Variants in UBN2 observed in about 807,000 individuals in gnomAD.
UBN2 encodes ubinuclein 2.
Under a neutral mutation model 120.2 loss-of-function variants are expected in UBN2, and 35 were observed. The ratio of observed to expected loss-of-function variants is 0.29; its 90% CI spans 0.22 to 0.39. The LOEUF is 0.39. Among genes scored for constraint, UBN2 ranks in the 10% least tolerant of loss-of-function variants. UBN2 has a pLI of 1.00. For missense variants in UBN2, 1,693 were observed against 1,663.2 expected (o/e 1.02, Z -0.31); for synonymous variants, 661 against 648.7 (o/e 1.02, Z -0.29).
rs761828541 is a variant in UBN2, at chr7:139,284,133, T to C, written c.3228T>C (p.Ile1076=). 25 of 1,614,020 alleles carry C rather than the reference T, an allele frequency of 1.5e-5. No individual in the cohort carries two copies. Among genetic ancestry groups the C allele is most frequent in the African/African-American group, 5.3e-5 (4 of 74,898 alleles). ...AGCCTTCAGTATCAACTAAACTTATTTCTAAATCCAACCCAACTCCCAAGC... is the reference window on the plus strand; with the variant it reads ...AGCCTTCAGTATCAACTAAACTTATCTCTAAATCCAACCCAACTCCCAAGC... ...SAKPSVSTKL[I]SKSNPTPKPT... is the part of the protein sequence containing the mutation. Residue 1076 remains isoleucine, a synonymous_variant, in exon 15 of 18, where the codon ATT becomes ATC. Transcript: ENST00000473989.
At chr7:139,234,500 A>G (rs933231040) in intron 1 of UBN2, among the ~76,000 whole-genome samples, 1 of 152,210 alleles carries the variant, frequency 6.6e-6, no homozygotes, top group East Asian at 1.9e-4. Context: ...ACAAAACCAC[A>G]GGTTAGCTAA....
intron 13 of UBN2, among the ~76,000 whole-genome samples, chr7:139,281,708 C>T (rs377467767): frequency 6.6e-6 from 1 of 152,114 alleles, no homozygotes; most frequent in Admixed American, 6.6e-5. Context: ...TTTAAAACAG[C>T]AGTTTTATAC....
chr7:139,232,093 C>G (rs951321508), intron 1 of UBN2, 141 bp downstream of exon 1: 1 of 723,782 alleles, frequency 1.4e-6, no homozygotes, highest in African/African-American at 1.9e-5. Flanking sequence ...CGGGGCCGAG[C>G]GGGTGGACGG....
At chr7:139,251,109 A>G (rs939702739) in intron 2 of UBN2, among the ~76,000 whole-genome samples, 1 of 152,024 alleles carries the variant, frequency 6.6e-6, no homozygotes, top group Non-Finnish European at 1.5e-5. Flanking sequence ...TATCTCAAAA[A>G]ACAAACATGC....
At chr7:139,259,208 A>C (rs1230843393) in intron 4 of UBN2, 59 bp from the exon 5 acceptor site, 13 of 1,583,950 alleles carry the variant, frequency 8.2e-6, no homozygotes, top group Admixed American at 7.5e-5. Context: ...TGGATTGCTA[A>C]CATCAAAGAG....
At chr7:139,257,824 G>A (rs1188257152) in intron 3 of UBN2, among the ~76,000 whole-genome samples, 3 of 151,802 alleles carry the variant, frequency 2.0e-5, no homozygotes, top group African/African-American at 4.8e-5. Context: ...TTTTTAGACC[G>A]AGTTTCACTC....
Position 139,251,028 on chromosome 7 carries a change from C to T in UBN2, c.562-928C>T, listed in dbSNP as rs186271231. Reference sequence around the variant, plus strand: ...CTGAGGCAGGAGGTTCACTTGAGCCCGGGAGGTTGAGGCTGCAGTGAAGCC... The same window carrying T: ...CTGAGGCAGGAGGTTCACTTGAGCCTGGGAGGTTGAGGCTGCAGTGAAGCC... On this transcript the variant is annotated intron_variant, in intron 2 of 17. Transcript: ENST00000473989. Among the ~76,000 whole-genome samples the T allele has an allele frequency of 4.1e-3, 629 of 151,992 alleles. 2 individuals carry two copies. Among genetic ancestry groups the T allele is most frequent in the Middle Eastern group, 0.017 (5 of 294 alleles).
rs368200451 is a variant in UBN2, at chr7:139,279,300, A to G, written c.2025-18A>G. 1 of 1,604,250 alleles carries G rather than the reference A, an allele frequency of 6.2e-7. No individual in the cohort carries two copies. Among genetic ancestry groups the G allele is most frequent in the Non-Finnish European group, 8.5e-7 (1 of 1,174,912 alleles). ...ATAACTGCTACTGAAATAGCCTTTT[A>G]AAATCTTTTTATCTTAGGGCAAAGA... On this transcript the variant is annotated intron_variant, in intron 12 of 17. Coordinates refer to ENST00000473989, the MANE Select transcript of UBN2 (RefSeq NM_173569.4).
In UBN2 at chr7:139,297,783, T is replaced by C. The variant is rs1798152097; in HGVS notation, c.3995-4T>C. On this transcript the variant is annotated splice_region_variant and splice_polypyrimidine_tract_variant and intron_variant, in intron 17 of 17. Coordinates refer to ENST00000473989, the MANE Select transcript of UBN2 (RefSeq NM_173569.4). ...CATACCAATTTAACGTCTCTTTTTC[T>C]CAGATGGAGGCCAAAGTAAAGGGGA... 2 of 1,614,126 alleles carry C rather than the reference T, an allele frequency of 1.2e-6. No homozygotes were observed. The highest frequency in any genetic ancestry group is 4.5e-5 in the East Asian group (2 of 44,866).
chr7:139,297,747 ACATATGGACC>A, intron 17 of UBN2, 30 bp from the exon 18 acceptor site: 2 of 1,593,276 alleles, frequency 1.3e-6, no homozygotes, highest in South Asian at 1.1e-5. Context: ...GGTTTTTGTA[ACATATGGACC>A]CATACCAATT....
In UBN2 at chr7:139,299,374, T is replaced by G. The variant is rs1486233506; in HGVS notation, c.*1538T>G. 1.3e-5 allele frequency: 2 copies of G among 152,188 alleles called. No individual in the cohort carries two copies. 9.4% of individuals were successfully genotyped at this position (152,188 alleles called of 1,614,324 possible). A position where few individuals can be genotyped will look rare whatever the true frequency, so the allele number is the denominator to read the frequency against. On this transcript the variant is annotated 3_prime_UTR_variant, in exon 18 of 18. Transcript: ENST00000473989. ...TATACATTACCCTATACCATTAGAT[T>G]TACTCAATTAAGAGTATTAACCAGG...
intron 7 of UBN2, among the ~76,000 whole-genome samples, chr7:139,267,997 T>TCCACCTGGGAACCCGAAGTGTG (rs1264215715): frequency 9.2e-5 from 14 of 152,360 alleles, no homozygotes; most frequent in Admixed American, 7.2e-4. Flanking sequence ...TCTTTTTCTT[T>TCCACCTGGGAACCCGAAGTGTG]CCACCTGGGA....
chr7:139,281,894 A>G, intron 13 of UBN2, 111 bp from the exon 14 acceptor site: 1 of 936,636 alleles, frequency 1.1e-6, no homozygotes, highest in Non-Finnish European at 1.7e-6. Flanking sequence ...TTGTACTTCC[A>G]ATTGGTAGTG....
At chr7:139,318,134 G>A in the UBN2 span, among the ~76,000 whole-genome samples, 1 of 152,122 alleles carries the variant, frequency 6.6e-6, no homozygotes, top group African/African-American at 2.4e-5. Context: ...TCCGGTTTGT[G>A]TAGGACAGTT....
chr7:139,240,538 T>C (rs980118671), intron 2 of UBN2, among the ~76,000 whole-genome samples: 17 of 151,482 alleles, frequency 1.1e-4, no homozygotes, highest in African/African-American at 3.1e-4. Context: ...ATTGTCCTGC[T>C]GGGCGTTATA....
intron 1 of UBN2, among the ~76,000 whole-genome samples, chr7:139,235,290 G>C (rs1043254802): frequency 2.0e-5 from 3 of 152,120 alleles, no homozygotes; most frequent in Non-Finnish European, 4.4e-5. Context: ...CTCTGGTTAA[G>C]GCTACACCCT....
intron 3 of UBN2, among the ~76,000 whole-genome samples, chr7:139,253,244 ATCTAC>A (rs1796668324): frequency 1.1e-5 from 1 of 93,886 alleles, no homozygotes; most frequent in Admixed American, 1.3e-4. Flanking sequence ...GGGTGCATTT[ATCTAC>A]TGAAGTAACT....
rs1430373505 is a variant in UBN2, at chr7:139,273,983, C to T, written c.1882C>T (p.Pro628Ser). The T allele has an allele frequency of 1.2e-6, 2 of 1,613,620 alleles. No homozygotes were observed. Among genetic ancestry groups the T allele is most frequent in the South Asian group, 2.2e-5 (2 of 91,018 alleles). The change falls in exon 11 of 18, where the codon CCA becomes TCA. Residue 628 changes from proline to serine, a missense_variant. Transcript: ENST00000473989. ...EIKLGCYELE[P>S]NKSQSAEDYL... ...CAAATTGGGATGCTATGAGTTAGAA[C>T]CAAATAAAAGCCAGTCTGCTGAAGA...
At chr7:139,317,895 T>A in the UBN2 span, among the ~76,000 whole-genome samples, 3 of 152,178 alleles carry the variant, frequency 2.0e-5, no homozygotes, top group African/African-American at 4.8e-5. Flanking sequence ...ACTCCTGACC[T>A]CAGGTGACCC....
Sources: allele counts gnomAD v4.1 joint callset (sites outside exome capture counted in the v4.1 genomes callset), GRCh38; gene constraint gnomAD v4.1.1; transcripts MANE v1.5; gene names NCBI Gene and HGNC (gene_info 2026-07-23, HGNC 2026-07-21).